The following SYNPR variants were observed in gnomAD, a reference collection of about 807,000 sequenced individuals.
The protein encoded by SYNPR is synaptoporin.
A neutral mutation model predicts 32.9 loss-of-function variants in SYNPR; 23 were observed. The ratio of observed to expected loss-of-function variants is 0.70; its 90% CI spans 0.50 to 0.99. The LOEUF is 0.99. Ranked by LOEUF, SYNPR falls within the 50% of genes least tolerant of loss-of-function variation. The probability of loss-of-function intolerance (pLI) is 0.00; values close to 1 mark genes in which losing one functional copy is unlikely to be tolerated. For synonymous variants in SYNPR, 146 were observed against 135.9 expected (o/e 1.07, Z -0.52); for missense variants, 318 against 349.3 (o/e 0.91, Z 0.71).
At chr3:63,379,842 C>T (rs1227439273) in intron 2 of SYNPR, among the ~76,000 whole-genome samples, 2 of 152,046 alleles carry the variant, frequency 1.3e-5, no homozygotes, top group African/African-American at 2.4e-5. Flanking sequence ...CCCTCCTCCC[C>T]CAACCCCACA....
chr3:63,316,520 G>A (rs1159698833), intron 2 of SYNPR, among the ~76,000 whole-genome samples: 14 of 151,800 alleles, frequency 9.2e-5, no homozygotes, highest in African/African-American at 1.9e-4. Context: ...GTTTATGGGC[G>A]TAAAGGTGTT....
At chr3:63,222,011 ATTTT>A in the SYNPR span, among the ~76,000 whole-genome samples, 144 of 56,410 alleles carry the variant, frequency 2.6e-3, 2 homozygotes, top group South Asian at 0.01. Context: ...GCCATGCTCA[ATTTT>A]TTTTTTTTTT....
At chr3:63,435,542 T>C (rs946919261) in intron 2 of SYNPR, among the ~76,000 whole-genome samples, 2 of 152,186 alleles carry the variant, frequency 1.3e-5, no homozygotes, top group Non-Finnish European at 2.9e-5. Flanking sequence ...TGGAGTGGGC[T>C]GGTTGAAGCA....
chr3:63,447,906 T>C (rs1700307925), intron 2 of SYNPR, among the ~76,000 whole-genome samples: 1 of 152,216 alleles, frequency 6.6e-6, no homozygotes, highest in Non-Finnish European at 1.5e-5. Context: ...TGGATGATCA[T>C]GACATTATTT....
intron 3 of SYNPR, among the ~76,000 whole-genome samples, chr3:63,526,956 C>T (rs1274028837): frequency 1.3e-5 from 2 of 152,128 alleles, no homozygotes; most frequent in Non-Finnish European, 2.9e-5. Flanking sequence ...CAGCCATGGG[C>T]ACCACGATAG....
At chr3:63,431,829 C>A (rs34727861) in intron 2 of SYNPR, among the ~76,000 whole-genome samples, 1 of 128,478 alleles carries the variant, frequency 7.8e-6, no homozygotes, top group Non-Finnish European at 1.6e-5. Context: ...TCATAGTTTC[C>A]CTTTTCTTTT....
At chr3:63,360,884 C>T (rs529575182) in intron 2 of SYNPR, among the ~76,000 whole-genome samples, 1 of 152,234 alleles carries the variant, frequency 6.6e-6, no homozygotes, top group South Asian at 2.1e-4. Flanking sequence ...TCCAAGATCA[C>T]CCATGATGTG....
At chr3:63,285,435 G>T (rs1424055706) in intron 2 of SYNPR, among the ~76,000 whole-genome samples, 2 of 152,304 alleles carry the variant, frequency 1.3e-5, no homozygotes, top group African/African-American at 4.8e-5. Context: ...ACAAGACGGG[G>T]AATTCTTACA....
At chr3:63,343,279 G>T (rs1381639454) in intron 2 of SYNPR, among the ~76,000 whole-genome samples, 4 of 152,164 alleles carry the variant, frequency 2.6e-5, no homozygotes. Context: ...GTTTTAAGCA[G>T]GAAAAATCAT....
At chr3:63,398,637 T>G (rs1395720895) in intron 2 of SYNPR, among the ~76,000 whole-genome samples, 1 of 150,210 alleles carries the variant, frequency 6.7e-6, no homozygotes, top group African/African-American at 2.5e-5. Context: ...GAGAATGGCG[T>G]GAACCTAGGA....
intron 2 of SYNPR, chr3:63,443,178 G>A (rs901489681): frequency 1.6e-6 from 2 of 1,239,756 alleles, no homozygotes; most frequent in African/African-American, 1.5e-5. Flanking sequence ...CACCAGAGGG[G>A]AGTATCAGGT....
At chr3:63,575,227 TA>T (rs1559540767) in intron 4 of SYNPR, among the ~76,000 whole-genome samples, 1 of 152,076 alleles carries the variant, frequency 6.6e-6, no homozygotes, top group African/African-American at 2.4e-5. Context: ...TGAAAAGAAA[TA>T]AATAGAAGCT....
At chr3:63,418,497 C>G (rs1396332688) in intron 2 of SYNPR, among the ~76,000 whole-genome samples, 1 of 152,170 alleles carries the variant, frequency 6.6e-6, no homozygotes, top group Admixed American at 6.5e-5. Context: ...CCCCTCTCTA[C>G]CAGTACTAAT....
At chr3:63,525,347 C>G (rs1022953313) in intron 3 of SYNPR, among the ~76,000 whole-genome samples, 1 of 152,186 alleles carries the variant, frequency 6.6e-6, no homozygotes, top group South Asian at 2.1e-4. Context: ...ATACCCAGAA[C>G]TTACTTGGGT....
chr3:63,414,931 A>C (rs1477263193), intron 2 of SYNPR, among the ~76,000 whole-genome samples: 2 of 152,168 alleles, frequency 1.3e-5, no homozygotes, highest in African/African-American at 4.8e-5. Flanking sequence ...TAAAAGTGCA[A>C]AATTTTCTAA....
intron 3 of SYNPR, among the ~76,000 whole-genome samples, chr3:63,501,494 C>CAAAAAAAAA (rs377290258): frequency 2.1e-5 from 2 of 96,736 alleles, no homozygotes; most frequent in Non-Finnish European, 4.3e-5. Context: ...CTCCCCCAAC[C>CAAAAAAAAA]AAAAAAAAAA....
intron 2 of SYNPR, among the ~76,000 whole-genome samples, chr3:63,376,061 C>T (rs964124005): frequency 6.6e-6 from 1 of 152,130 alleles, no homozygotes; most frequent in African/African-American, 2.4e-5. Flanking sequence ...CCTTGTCTTC[C>T]CAATTCATCA....
chr3:63,611,654 C>G (rs984793961), intron 5 of SYNPR, among the ~76,000 whole-genome samples: 1 of 152,176 alleles, frequency 6.6e-6, no homozygotes, highest in Non-Finnish European at 1.5e-5. Context: ...ATGTTTGTTA[C>G]ATTATTCTCT....
At chr3:63,428,966 G>A (rs1039149400) in intron 2 of SYNPR, among the ~76,000 whole-genome samples, 4 of 152,156 alleles carry the variant, frequency 2.6e-5, no homozygotes, top group African/African-American at 7.2e-5. Context: ...CACATAGAAT[G>A]AGTGTGGACA....
Sources: allele counts gnomAD v4.1 joint callset (sites outside exome capture counted in the v4.1 genomes callset), GRCh38; gene constraint gnomAD v4.1.1; transcripts MANE v1.5; gene names NCBI Gene and HGNC (gene_info 2026-07-23, HGNC 2026-07-21).